The following SHISA6 variants were observed in gnomAD, a reference collection of about 807,000 sequenced individuals.
SHISA6 encodes the protein shisa family member 6.
SHISA6 carries 22 observed loss-of-function variants against 47.9 expected under a neutral mutation model. The ratio of observed to expected loss-of-function variants is 0.46; its 90% CI spans 0.33 to 0.66. The LOEUF (loss-of-function observed/expected upper bound fraction) is 0.66, where lower values mean the gene tolerates loss of function less well. Among genes scored for constraint, SHISA6 ranks in the 30% least tolerant of loss-of-function variants. The pLI is 0.02. For missense variants in SHISA6, 680 were observed against 764.6 expected (o/e 0.89, Z 1.30); for synonymous variants, 388 against 337.8 (o/e 1.15, Z -1.63).
intron 1 of SHISA6, among the ~76,000 whole-genome samples, chr17:11,245,496 T>C (rs1169134793): frequency 6.6e-6 from 1 of 152,202 alleles, no homozygotes; most frequent in Non-Finnish European, 1.5e-5. Flanking sequence ...TGGGTCCTTT[T>C]TGACATTCAT....
chr17:11,480,872 C>T (rs971354703), intron 3 of SHISA6, among the ~76,000 whole-genome samples: 1 of 152,036 alleles, frequency 6.6e-6, no homozygotes. Flanking sequence ...TAAATTGTGA[C>T]AGGTGTCTTA....
At chr17:11,511,476 G>GAATA (rs1222985416) in intron 3 of SHISA6, among the ~76,000 whole-genome samples, 20 of 151,764 alleles carry the variant, frequency 1.3e-4, no homozygotes, top group African/African-American at 3.9e-4. Flanking sequence ...TAAACTGAAT[G>GAATA]AATAAATAAC....
At chr17:11,347,552 G>T (rs1342756362) in intron 2 of SHISA6, among the ~76,000 whole-genome samples, 4 of 152,156 alleles carry the variant, frequency 2.6e-5, no homozygotes, top group African/African-American at 9.7e-5. Context: ...GATATTATTT[G>T]CATCTCACAG....
intron 2 of SHISA6, among the ~76,000 whole-genome samples, chr17:11,305,191 A>G (rs1910067620): frequency 6.6e-6 from 1 of 152,122 alleles, no homozygotes; most frequent in South Asian, 2.1e-4. Context: ...CCTAAGATCA[A>G]CTCATTAGGG....
At chr17:11,319,601 A>G (rs1225351454) in intron 2 of SHISA6, among the ~76,000 whole-genome samples, 1 of 152,174 alleles carries the variant, frequency 6.6e-6, no homozygotes, top group Non-Finnish European at 1.5e-5. Flanking sequence ...TAAAATTAAT[A>G]CTCTAACCAT....
intron 2 of SHISA6, among the ~76,000 whole-genome samples, chr17:11,371,081 A>G (rs1224514360): frequency 6.6e-6 from 1 of 152,234 alleles, no homozygotes; most frequent in Admixed American, 6.5e-5. Flanking sequence ...GAATTGTCAC[A>G]TGAAATAACA....
At chr17:11,544,421 A>C (rs538557575) in intron 3 of SHISA6, among the ~76,000 whole-genome samples, 3 of 152,344 alleles carry the variant, frequency 2.0e-5, no homozygotes, top group Admixed American at 2.0e-4. Context: ...TACTGAAGAT[A>C]TATAGATGAA....
chr17:11,332,146 C>T (rs1162470148), intron 2 of SHISA6, among the ~76,000 whole-genome samples: 2 of 151,788 alleles, frequency 1.3e-5, no homozygotes, highest in African/African-American at 4.8e-5. Flanking sequence ...CACCACCATC[C>T]TCCCCCACCT....
intron 3 of SHISA6, among the ~76,000 whole-genome samples, chr17:11,407,216 G>A (rs186045596): frequency 1.3e-5 from 2 of 151,790 alleles, no homozygotes; most frequent in African/African-American, 2.4e-5. Context: ...AATTTTATAG[G>A]TGAGGAAACT....
intron 2 of SHISA6, among the ~76,000 whole-genome samples, chr17:11,305,974 C>T (rs982066606): frequency 3.3e-5 from 5 of 152,144 alleles, no homozygotes; most frequent in Non-Finnish European, 7.4e-5. Context: ...CACCAGATGC[C>T]TGTGCGTACC....
intron 2 of SHISA6, chr17:11,289,895 G>A (rs1468578445): frequency 6.6e-6 from 1 of 151,910 alleles, no homozygotes; most frequent in Non-Finnish European, 1.5e-5. Flanking sequence ...ACAAATTAGT[G>A]TTGGATTACT....
chr17:11,348,716 TTTGGGGC>T (rs1911779072), intron 2 of SHISA6, among the ~76,000 whole-genome samples: 1 of 152,146 alleles, frequency 6.6e-6, no homozygotes, highest in Non-Finnish European at 1.5e-5. Flanking sequence ...AACAAGTTCA[TTTGGGGC>T]CTATATTTAA....
At chr17:11,387,587 G>A (rs1241389735) in intron 3 of SHISA6, among the ~76,000 whole-genome samples, 2 of 152,100 alleles carry the variant, frequency 1.3e-5, no homozygotes, top group Non-Finnish European at 2.9e-5. Context: ...TGATGATGGG[G>A]GTAAATAGTC....
At chr17:11,497,587 A>G (rs2071419230) in intron 3 of SHISA6, among the ~76,000 whole-genome samples, 1 of 152,198 alleles carries the variant, frequency 6.6e-6, no homozygotes, top group African/African-American at 2.4e-5. Context: ...GGGATCAATC[A>G]TACCCTAGCA....
In SHISA6 at chr17:11,290,300, TATATC is replaced by T. The variant is rs1486756537; in HGVS notation, c.799+26777_799+26781del. The T allele has an allele frequency of 3.9e-5, 6 of 152,192 alleles. No homozygotes were observed. In the East Asian group the frequency reaches 1.2e-3, roughly 29 times the overall value. 9.4% of individuals were successfully genotyped at this position (152,192 alleles called of 1,614,324 possible). ...GAGTATCTTCACAATGTATAATTAA[TATATC>T]ATGATTAGGAGAAAGTGTGTTTATG... is the stretch of plus-strand genomic sequence containing the variant. On this transcript the variant is annotated intron_variant, in intron 2 of 5. Coordinates refer to ENST00000441885, the MANE Select transcript of SHISA6 (RefSeq NM_207386.4).
intron 3 of SHISA6, among the ~76,000 whole-genome samples, chr17:11,538,706 T>A (rs2071807931): frequency 6.6e-6 from 1 of 152,220 alleles, no homozygotes; most frequent in African/African-American, 2.4e-5. Flanking sequence ...AGAATCTTTT[T>A]AATCAGTTCC....
At chr17:11,405,036 A>G (rs1253288609) in intron 3 of SHISA6, among the ~76,000 whole-genome samples, 1 of 152,148 alleles carries the variant, frequency 6.6e-6, no homozygotes, top group Non-Finnish European at 1.5e-5. Context: ...GCAGAGCGAG[A>G]CAGTAGTTTC....
chr17:11,402,907 A>T (rs567745100), intron 3 of SHISA6, among the ~76,000 whole-genome samples: 1 of 152,310 alleles, frequency 6.6e-6, no homozygotes, highest in South Asian at 2.1e-4. Context: ...AAATAGCTGA[A>T]GCGATGGTAA....
chr17:11,277,115 T>C (rs140440180), intron 2 of SHISA6, among the ~76,000 whole-genome samples: 19 of 151,866 alleles, frequency 1.3e-4, no homozygotes, highest in East Asian at 5.8e-4. Flanking sequence ...CAAAGGAAAA[T>C]TGGAAATGTT....
Sources: gnomAD v4.1 joint callset for allele counts (sites outside exome capture counted in the v4.1 genomes callset) on GRCh38, gnomAD v4.1.1 for gene constraint, MANE v1.5 for transcripts, NCBI Gene and HGNC (gene_info 2026-07-23, HGNC 2026-07-21) for gene names.